SPIDR: variants seen among roughly 807,000 people sequenced by gnomAD.
SPIDR encodes scaffold protein involved in DNA repair.
Under a neutral mutation model 104.6 loss-of-function variants are expected in SPIDR, and 93 were observed. That is an observed-to-expected ratio of 0.89 (90% confidence interval 0.75 to 1.06). SPIDR has a LOEUF of 1.06. Ranked by LOEUF, SPIDR falls within the 50% of genes least tolerant of loss-of-function variation. SPIDR has a pLI of 0.00. For missense variants in SPIDR, 1,154 were observed against 1,111.2 expected, an observed-to-expected ratio of 1.04 and a Z score of -0.55; for synonymous variants, 431 against 416.9, an observed-to-expected ratio of 1.03 and a Z score of -0.41.
At chr8:47,630,250 A>G (rs1588593588) in intron 10 of SPIDR, among the ~76,000 whole-genome samples, 1 of 152,234 alleles carries the variant, frequency 6.6e-6, no homozygotes, top group Non-Finnish European at 1.5e-5. Context: ...ATACTGGGGA[A>G]AATAGAAGAG....
chr8:47,566,944 TTTTA>T (rs1314165442), intron 8 of SPIDR, among the ~76,000 whole-genome samples: 1 of 152,204 alleles, frequency 6.6e-6, no homozygotes, highest in African/African-American at 2.4e-5. Context: ...GGAAGCAAGG[TTTTA>T]TTTATCATTC....
intron 4 of SPIDR, among the ~76,000 whole-genome samples, chr8:47,293,272 A>C (rs2040264403): frequency 6.6e-6 from 1 of 152,090 alleles, no homozygotes; most frequent in South Asian, 2.1e-4. Context: ...GAAAAAGTCT[A>C]GCTGTGTAAG....
At chr8:47,510,277 A>G (rs1432624576) in intron 8 of SPIDR, among the ~76,000 whole-genome samples, 6 of 152,258 alleles carry the variant, frequency 3.9e-5, no homozygotes, top group African/African-American at 1.4e-4. Context: ...ATGTGTGCAC[A>G]CACAAATGCT....
Position 47,366,583 on chromosome 8 carries a change from G to A in SPIDR, c.526-29793G>A, listed in dbSNP as rs922660954. ...AAGATTGGTTGTTGAATTAGTTTCT[G>A]TTTGATGTTAAAGATAACATAGAGT... On this transcript the variant is annotated intron_variant, in intron 5 of 19. Transcript: ENST00000297423. Among the ~76,000 whole-genome samples, 11 of 152,314 alleles carry A rather than the reference G, an allele frequency of 7.2e-5. No homozygotes were observed. The East Asian group carries it at 2.1e-3, about 29-fold the overall frequency.
chr8:47,582,014 C>G (rs1260143966), intron 8 of SPIDR, among the ~76,000 whole-genome samples: 1 of 152,084 alleles, frequency 6.6e-6, no homozygotes, highest in African/African-American at 2.4e-5. Flanking sequence ...GTCAGGAGTT[C>G]GAGACCAGCC....
chr8:47,694,894 C>T (rs538955106), intron 11 of SPIDR, among the ~76,000 whole-genome samples: 2 of 152,008 alleles, frequency 1.3e-5, no homozygotes, highest in African/African-American at 4.8e-5. Context: ...CATTAATTTA[C>T]CTAAAAGCAT....
chr8:47,400,860 T>C (rs149969828), intron 6 of SPIDR, among the ~76,000 whole-genome samples: 3,811 of 152,112 alleles, frequency 0.025, 66 homozygotes, highest in Non-Finnish European at 0.037. Context: ...CTACGTCTGA[T>C]TGGTGTACCT....
At chr8:47,525,878 A>G (rs547662296) in intron 8 of SPIDR, among the ~76,000 whole-genome samples, 19 of 152,160 alleles carry the variant, frequency 1.2e-4, no homozygotes, top group African/African-American at 3.6e-4. Context: ...GGTTGTGTAC[A>G]TGCTGTCTGG....
At chr8:47,394,146 ATCT>A (rs2060973396) in intron 5 of SPIDR, among the ~76,000 whole-genome samples, 1 of 152,118 alleles carries the variant, frequency 6.6e-6, no homozygotes, top group Admixed American at 6.5e-5. Flanking sequence ...GCCTCAAGTG[ATCT>A]GCCTGCCTTA....
intron 1 of SPIDR, among the ~76,000 whole-genome samples, chr8:47,276,184 TA>T (rs1456967340): frequency 6.6e-6 from 1 of 152,180 alleles, no homozygotes; most frequent in Non-Finnish European, 1.5e-5. Flanking sequence ...AGAGAATAAA[TA>T]AGGTGTAATT....
chr8:47,578,160 T>C (rs899094160), intron 8 of SPIDR, among the ~76,000 whole-genome samples: 2 of 152,206 alleles, frequency 1.3e-5, no homozygotes, highest in Admixed American at 6.5e-5. Context: ...ATTATAAAGG[T>C]TGCTACTCAT....
chr8:47,320,806 T>G (rs1404407769), intron 5 of SPIDR, among the ~76,000 whole-genome samples: 3 of 152,194 alleles, frequency 2.0e-5, no homozygotes, highest in Admixed American at 6.5e-5. Flanking sequence ...TGCAAATCAA[T>G]AAACATAATC....
chr8:47,317,640 C>T (rs2045638831), intron 5 of SPIDR, among the ~76,000 whole-genome samples: 2 of 152,324 alleles, frequency 1.3e-5, no homozygotes, highest in South Asian at 4.1e-4. Context: ...AACAGAAAGA[C>T]TGCCTCCTCA....
rs557757638 is a variant in SPIDR, at chr8:47,584,712, A to G, written c.1098-11099A>G. Among the ~76,000 whole-genome samples, 5 of 152,322 alleles carry G rather than the reference A, an allele frequency of 3.3e-5. No homozygotes were observed. In the South Asian group the frequency reaches 6.2e-4, roughly 19 times the overall value. On this transcript the variant is annotated intron_variant, in intron 8 of 19. Coordinates refer to ENST00000297423, the MANE Select transcript of SPIDR (RefSeq NM_001080394.4). ...GCTGTTAAAACAGTATTACTTTATCATATCTTTAAAAAATTAACTTGAATC... is the reference window on the plus strand; with the variant it reads ...GCTGTTAAAACAGTATTACTTTATCGTATCTTTAAAAAATTAACTTGAATC...
At chr8:47,622,957 A>G (rs2065383899) in intron 10 of SPIDR, among the ~76,000 whole-genome samples, 1 of 152,138 alleles carries the variant, frequency 6.6e-6, no homozygotes, top group South Asian at 2.1e-4. Context: ...TCTTTTTGCC[A>G]CTAAGCAGCG....
At chr8:47,716,212 G>A (rs535150744) in intron 16 of SPIDR, among the ~76,000 whole-genome samples, 2 of 152,034 alleles carry the variant, frequency 1.3e-5, no homozygotes, top group African/African-American at 2.4e-5. Context: ...CACCCACCTC[G>A]GCCTCCCAAA....
At position 47,452,931 on chromosome 8, in the gene SPIDR, T is replaced by A. The variant is rs184497634; in HGVS notation, c.1097+12389T>A. ...AAGAGGAAGTCAAATTGTCCCTGTT[T>A]GTAGATGACATGAATATATAGTTAG... On this transcript the variant is annotated intron_variant, in intron 8 of 19. Transcript: ENST00000297423. Among the ~76,000 whole-genome samples the A allele has an allele frequency of 2.7e-3, 414 of 152,294 alleles. 1 individual carries two copies. Among genetic ancestry groups the A allele is most frequent in the African/African-American group, 9.7e-3 (404 of 41,564 alleles).
chr8:47,407,401 A>G (rs1328153662), intron 6 of SPIDR, among the ~76,000 whole-genome samples: 1 of 152,110 alleles, frequency 6.6e-6, no homozygotes, highest in Non-Finnish European at 1.5e-5. Flanking sequence ...CCCACTTTAC[A>G]TTTCTTTGCT....
intron 19 of SPIDR, among the ~76,000 whole-genome samples, chr8:47,731,111 C>G (rs569475196): frequency 6.6e-6 from 1 of 152,188 alleles, no homozygotes; most frequent in Non-Finnish European, 1.5e-5. Context: ...TACAAAAAAG[C>G]TGGGTGTGGT....
Sources: gnomAD v4.1 joint callset for allele counts (sites outside exome capture counted in the v4.1 genomes callset) on GRCh38, gnomAD v4.1.1 for gene constraint, MANE v1.5 for transcripts, NCBI Gene and HGNC (gene_info 2026-07-23, HGNC 2026-07-21) for gene names.